Variants in DNAH2 observed in about 807,000 individuals in gnomAD.
The protein encoded by DNAH2 is axonemal beta dynein heavy chain 2.
In DNAH2, 323 loss-of-function variants were observed where a neutral mutation model predicts 523.5. The observed-to-expected ratio is 0.62, with a 90% CI of 0.56 to 0.68. The LOEUF (loss-of-function observed/expected upper bound fraction) is 0.68, where lower values mean the gene tolerates loss of function less well. Ranked by LOEUF, DNAH2 falls within the 30% of genes least tolerant of loss-of-function variation. The pLI, the probability that DNAH2 is intolerant of heterozygous loss-of-function variation, is 0.00. For synonymous variants in DNAH2, 2,093 were observed against 2,177.4 expected (o/e 0.96, Z 1.08); for missense variants, 4,907 against 5,701.5 (o/e 0.86, Z 4.49).
chr17:7,780,023 T>G lies in DNAH2; in HGVS notation c.5723-134T>G. 8.5e-7 allele frequency: 1 copy of G among 1,172,950 alleles called. No individual in the cohort carries two copies. The highest frequency in any genetic ancestry group is 1.2e-6 in the Non-Finnish European group (1 of 828,138). The allele number at this position is 1,172,950 out of a possible 1,614,324, so 72.7% of individuals were successfully genotyped here. A position where few individuals can be genotyped will look rare whatever the true frequency, so the allele number is the denominator to read the frequency against. ...GCTGGGGCTGAGATGAGAAAGGATG[T>G]GGTCTTGGAGTTGGAGAGAAAGTTA... On this transcript the variant is annotated intron_variant, in intron 36 of 85. Coordinates refer to ENST00000572933, the MANE Select transcript of DNAH2 (RefSeq NM_020877.5). The surrounding 1 kb of genome is among the most constrained non-coding windows in gnomAD (Gnocchi z 4.4).
At chr17:7,763,189 T>C (rs1325561687) in intron 18 of DNAH2, among the ~76,000 whole-genome samples, 5 of 150,194 alleles carry the variant, frequency 3.3e-5, no homozygotes, top group African/African-American at 1.2e-4. Context: ...GACAGAGTCT[T>C]GCTCTGTCGC....
At chr17:7,822,026 G>A (rs1265875873) in intron 73 of DNAH2, among the ~76,000 whole-genome samples, 1 of 152,098 alleles carries the variant, frequency 6.6e-6, no homozygotes, top group Non-Finnish European at 1.5e-5. Context: ...CTGGACCGCA[G>A]TGGCAGTGAT....
In DNAH2 at chr17:7,792,001, G is replaced by A; in HGVS notation, c.6985G>A (p.Val2329Met). 1.2e-6 allele frequency: 2 copies of A among 1,614,092 alleles called. No individual in the cohort carries two copies. Among genetic ancestry groups the A allele is most frequent in the Non-Finnish European group, 1.7e-6 (2 of 1,180,034 alleles). Residue 2329 changes from valine (V) to methionine (M), a missense_variant, in exon 45 of 86, where the codon GTG (valine) becomes ATG (methionine). By Grantham distance (21) the Val-to-Met change is conservative (BLOSUM62 1). Transcript: ENST00000572933. Reference sequence around the variant, plus strand: ...CATGATCTGGTCTGTGTGTGCCTCTGTGGATGAGGAGGGCCGGAAGAGGAT... The same window carrying A: ...CATGATCTGGTCTGTGTGTGCCTCTATGGATGAGGAGGGCCGGAAGAGGAT... ...FSMIWSVCAS[V>M]DEEGRKRIDS...
chr17:7,735,252 T>C (rs2075107705), intron 7 of DNAH2, among the ~76,000 whole-genome samples: 1 of 152,054 alleles, frequency 6.6e-6, no homozygotes, highest in South Asian at 2.1e-4. Flanking sequence ...TGCCTCAGCC[T>C]CCTGAGTAGC....
chr17:7,741,824 C>T (rs1470537342), intron 11 of DNAH2, among the ~76,000 whole-genome samples: 3 of 151,518 alleles, frequency 2.0e-5, no homozygotes, highest in Admixed American at 6.6e-5. Flanking sequence ...CCACCACGCC[C>T]GGCTAATTTT....
rs1284821587 is a variant in DNAH2, at chr17:7,740,510, G to GCTT, written c.1470_1472dup (p.Leu492dup). On this transcript the variant is annotated inframe_insertion, in exon 10 of 86. Transcript: ENST00000572933. ...TGGTGCGGGACGTGCCGCACGGCGT[G>GCTT]CTTCTGCTGGACACCTTCCACAGGC... 1.2e-6 allele frequency: 2 copies of GCTT among 1,614,146 alleles called. No homozygotes were observed. The highest frequency in any genetic ancestry group is 1.7e-6 in the Non-Finnish European group (2 of 1,180,016).
In DNAH2 at chr17:7,751,554, GT is replaced by G. The variant is rs549186425; in HGVS notation, c.1905-5531del. On this transcript the variant is annotated intron_variant, in intron 12 of 85. Coordinates refer to ENST00000572933, the MANE Select transcript of DNAH2 (RefSeq NM_020877.5). ...GAGTTTTGTATTTCATTGTTTGTTT[GT>G]TTTTTCCTGATGGCTAGAGCCATCT... Among the ~76,000 whole-genome samples, 889 of 152,188 alleles carry G rather than the reference GT, an allele frequency of 5.8e-3. 3 individuals carry two copies. The highest frequency in any genetic ancestry group is 0.01 in the Non-Finnish European group (688 of 67,986).
At chr17:7,723,349 T>G (rs1425034954) in intron 2 of DNAH2, among the ~76,000 whole-genome samples, 1 of 141,304 alleles carries the variant, frequency 7.1e-6, no homozygotes, top group Non-Finnish European at 1.5e-5. Context: ...TATGGCTCAC[T>G]GCAACCTCTG....
intron 4 of DNAH2, among the ~76,000 whole-genome samples, chr17:7,731,600 TAAC>T (rs1276748701): frequency 3.9e-5 from 6 of 152,320 alleles, no homozygotes; most frequent in Admixed American, 6.5e-5. Flanking sequence ...TCTCTAATAT[TAAC>T]AATATTAATT....
In DNAH2 at chr17:7,779,370, G is replaced by T. The variant is rs1329221455; in HGVS notation, c.5669G>T (p.Gly1890Val). 1.2e-6 allele frequency: 2 copies of T among 1,614,064 alleles called. No individual in the cohort carries two copies. Among genetic ancestry groups the T allele is most frequent in the Non-Finnish European group, 1.7e-6 (2 of 1,179,996 alleles). Residue 1890 changes from glycine (G) to valine (V), a missense_variant, in exon 36 of 86, where the codon GGC (glycine) becomes GTC (valine). By Grantham distance (109) the Gly-to-Val change is moderately radical. This residue lies in a region of DNAH2 where 2,806 missense variants were observed against 3,190.8 expected (regional missense o/e 0.88). Coordinates refer to ENST00000572933, the MANE Select transcript of DNAH2 (RefSeq NM_020877.5). ...AAGLTHFHFD[G>V]FEINLVWSCG... The stretch of plus-strand genomic sequence containing the variant: ...GGCCTCACCCATTTCCATTTTGATG[G>T]CTTTGAAATAAATCTGGTGTGGTCC...
At position 7,786,692 on chromosome 17, in the gene DNAH2, C is replaced by T. The variant is rs1182177696; in HGVS notation, c.6466+5C>T. ...TCATGCGGACGGCATGTGCAGGTAT[C>T]CAGAGGATCGTGGGGTGTGGAGAGC... is the stretch of plus-strand genomic sequence containing the variant. On this transcript the variant is annotated splice_donor_5th_base_variant and intron_variant, in intron 41 of 85. Transcript: ENST00000572933. This position sits in a 1 kb window ranked among gnomAD's most constrained non-coding sequence, Gnocchi z 7.5. 2 of 1,613,390 alleles carry T rather than the reference C, an allele frequency of 1.2e-6. No individual in the cohort carries two copies. The highest frequency in any genetic ancestry group is 3.3e-5 in the Admixed American group (2 of 59,970).
rs1413495684 is a variant in DNAH2, at chr17:7,770,890, T to C, written c.4319T>C (p.Ile1440Thr). The C allele has an allele frequency of 6.2e-7, 1 of 1,614,162 alleles. No homozygotes were observed. Among genetic ancestry groups the C allele is most frequent in the Non-Finnish European group, 8.5e-7 (1 of 1,180,044 alleles). The change falls in exon 27 of 86, where the codon ATT becomes ACT. Residue 1440 changes from isoleucine (I) to threonine (T), a missense_variant. Ile to Thr is a moderately conservative substitution (Grantham distance 89). Transcript: ENST00000572933. ...ERCLSLILEV[I>T]EMILTVQRQW... Reference sequence around the variant, plus strand: ...TGCCTCTCCCTCATTTTGGAGGTTATTGAGATGATTCTCACAGTGCAGCGT... The same window carrying C: ...TGCCTCTCCCTCATTTTGGAGGTTACTGAGATGATTCTCACAGTGCAGCGT...
intron 28 of DNAH2, among the ~76,000 whole-genome samples, chr17:7,772,216 G>A (rs1446524336): frequency 6.6e-6 from 1 of 152,072 alleles, no homozygotes; most frequent in African/African-American, 2.4e-5. Context: ...AATTCTGGTG[G>A]GGGTGCAGAG....
chr17:7,805,421 C>T lies in DNAH2; in HGVS notation c.9442+28C>T, dbSNP rs1197714394. ...AAGCTAGAGACAATGAAATCAATGA[C>T]TTCCACTCACCCAGTGTTTATTGAT... is the stretch of plus-strand genomic sequence containing the variant. On this transcript the variant is annotated intron_variant, in intron 61 of 85. Coordinates refer to ENST00000572933, the MANE Select transcript of DNAH2 (RefSeq NM_020877.5). 16 of 1,613,672 alleles carry T rather than the reference C, an allele frequency of 9.9e-6. No individual in the cohort carries two copies. The South Asian group carries it at 1.6e-4, about 17-fold the overall frequency.
intron 39 of DNAH2, among the ~76,000 whole-genome samples, chr17:7,785,171 G>A (rs1042191131): frequency 1.3e-5 from 2 of 150,772 alleles, no homozygotes; most frequent in African/African-American, 4.9e-5. Context: ...GTGAGATTTC[G>A]GCTCACTGCA....
At chr17:7,728,562 A>G (rs1436307129) in intron 4 of DNAH2, among the ~76,000 whole-genome samples, 1 of 152,232 alleles carries the variant, frequency 6.6e-6, no homozygotes, top group Non-Finnish European at 1.5e-5. Flanking sequence ...ATATTTGAAT[A>G]TACATTTTAA....
chr17:7,774,737 C>A, intron 28 of DNAH2, 22 bp from the exon 29 acceptor site: 1 of 1,600,152 alleles, frequency 6.2e-7, no homozygotes, highest in South Asian at 1.1e-5. Flanking sequence ...AATCAAATGT[C>A]ATTCATCGCT....
In DNAH2 at chr17:7,804,443, C is replaced by T. The variant is rs1487026617; in HGVS notation, c.9160C>T (p.Arg3054Trp). Residue 3054 changes from arginine (R) to tryptophan (W), a missense_variant, in exon 59 of 86, where the codon CGG (arginine) becomes TGG (tryptophan). Transcript: ENST00000572933. ...CCTGGTCATCATTGTGCAGCAGAAG[C>T]GGGAGGCAGATGAGCAGCAGAAGGT... ...EYLVIIVQQKREADEQQKAVT... is the reference protein window; with the variant it reads ...EYLVIIVQQKWEADEQQKAVT... 6.8e-6 allele frequency: 11 copies of T among 1,613,664 alleles called. No homozygotes were observed. Among genetic ancestry groups the T allele is most frequent in the African/African-American group, 2.7e-5 (2 of 74,896 alleles).
At position 7,760,223 on chromosome 17, in the gene DNAH2, C is replaced by T. The variant is rs988472958; in HGVS notation, c.2785+285C>T. Among the ~76,000 whole-genome samples the T allele has an allele frequency of 5.3e-5, 8 of 152,144 alleles. No individual in the cohort carries two copies. The highest frequency in any genetic ancestry group is 1.9e-4 in the African/African-American group (8 of 41,414). ...TCTCTACTAAAAATCCAAAAATTAGCCAGGCATGGTGGCGGGTGCCTATAA... is the reference window on the plus strand; with the variant it reads ...TCTCTACTAAAAATCCAAAAATTAGTCAGGCATGGTGGCGGGTGCCTATAA... On this transcript the variant is annotated intron_variant, in intron 17 of 85. Transcript: ENST00000572933. This position sits in a 1 kb window ranked among gnomAD's most constrained non-coding sequence, Gnocchi z 4.0.
Sources: gnomAD v4.1 joint callset for allele counts (sites outside exome capture counted in the v4.1 genomes callset) on GRCh38, gnomAD v4.1.1 for gene constraint, gnomAD v4.1.1 regional missense constraint, Gnocchi (gnomAD v3.1) non-coding constraint, MANE v1.5 for transcripts, NCBI Gene and HGNC (gene_info 2026-07-23, HGNC 2026-07-21) for gene names.